LRRC4C: variants seen among roughly 807,000 people sequenced by gnomAD.
The protein encoded by LRRC4C is leucine rich repeat containing 4C.
Under a neutral mutation model 33.6 loss-of-function variants are expected in LRRC4C, and 5 were observed. The observed-to-expected ratio is 0.15, with a 90% CI of 0.08 to 0.31. The LOEUF (loss-of-function observed/expected upper bound fraction) is 0.31, where lower values mean the gene tolerates loss of function less well. LRRC4C is among the 10% of genes least tolerant of loss of function. The probability of loss-of-function intolerance (pLI) is 1.00; values close to 1 mark genes in which losing one functional copy is unlikely to be tolerated. For missense variants in LRRC4C, 560 were observed against 796.7 expected (o/e 0.70, Z 3.58); for synonymous variants, 329 against 302.0 (o/e 1.09, Z -0.93).
chr11:40,339,021 A>G (rs759657731), intron 3 of LRRC4C, among the ~76,000 whole-genome samples: 1 of 152,194 alleles, frequency 6.6e-6, no homozygotes, highest in Non-Finnish European at 1.5e-5. Flanking sequence ...GTTACAAAGG[A>G]CCAGAGGGTG....
Position 41,294,814 on chromosome 11 carries a change from C to T in LRRC4C, c.-496+164617G>A, listed in dbSNP as rs563433247. Among the ~76,000 whole-genome samples the T allele has an allele frequency of 3.3e-5, 5 of 152,242 alleles. No homozygotes were observed. In the South Asian group the frequency reaches 8.3e-4, roughly 25 times the overall value. On this transcript the variant is annotated intron_variant, in intron 1 of 6. Transcript: ENST00000528697. Reference sequence around the variant, plus strand: ...GGATAAGGGTAATTGAGTCATAATGCACACTGTCTATAAAGTTAAAATGTT... The same window carrying T: ...GGATAAGGGTAATTGAGTCATAATGTACACTGTCTATAAAGTTAAAATGTT...
chr11:40,260,418 G>A (rs28721003), intron 4 of LRRC4C, among the ~76,000 whole-genome samples: 3 of 143,520 alleles, frequency 2.1e-5, no homozygotes, highest in South Asian at 2.4e-4. Flanking sequence ...TTAGGGGGAG[G>A]GGGGAGGGAT....
At chr11:40,807,403 C>A (rs1565085545) in intron 2 of LRRC4C, among the ~76,000 whole-genome samples, 1 of 152,190 alleles carries the variant, frequency 6.6e-6, no homozygotes, top group Non-Finnish European at 1.5e-5. Flanking sequence ...AACAAACAAA[C>A]CGTGAGCACA....
intron 1 of LRRC4C, among the ~76,000 whole-genome samples, chr11:41,392,317 T>C (rs1415604370): frequency 6.6e-6 from 1 of 151,848 alleles, no homozygotes; most frequent in African/African-American, 2.4e-5. Flanking sequence ...CACTGTAGAT[T>C]AACTGTTTTT....
intron 1 of LRRC4C, among the ~76,000 whole-genome samples, chr11:41,415,413 T>C (rs561052731): frequency 6.6e-6 from 1 of 152,258 alleles, no homozygotes; most frequent in Admixed American, 6.5e-5. Flanking sequence ...GGTGTAGTGT[T>C]TTGAATTAGA....
intron 1 of LRRC4C, among the ~76,000 whole-genome samples, chr11:41,201,444 C>A (rs972530422): frequency 2.0e-5 from 3 of 152,150 alleles, no homozygotes; most frequent in African/African-American, 7.2e-5. Context: ...GTCCTGGTAG[C>A]TCTAATTTCA....
intron 3 of LRRC4C, among the ~76,000 whole-genome samples, chr11:40,508,125 TAAC>T (rs577605250): frequency 9.1e-4 from 138 of 152,150 alleles, no homozygotes; most frequent in African/African-American, 3.3e-3. Flanking sequence ...CAATGACAAA[TAAC>T]AAAATCATGC....
chr11:40,706,733 T>G (rs2136539161), intron 2 of LRRC4C, among the ~76,000 whole-genome samples: 1 of 152,262 alleles, frequency 6.6e-6, no homozygotes, highest in Non-Finnish European at 1.5e-5. Context: ...GTAGTTTTTC[T>G]AATTCTGTGA....
intron 3 of LRRC4C, among the ~76,000 whole-genome samples, chr11:40,473,424 A>C (rs1953044729): frequency 6.6e-6 from 1 of 152,166 alleles, no homozygotes. Flanking sequence ...AAAACTCTCA[A>C]TAAACTTGGT....
At chr11:40,782,888 T>A (rs751184590) in intron 2 of LRRC4C, among the ~76,000 whole-genome samples, 2 of 151,902 alleles carry the variant, frequency 1.3e-5, no homozygotes, top group Non-Finnish European at 2.9e-5. Context: ...ATACACATGT[T>A]TATACATATA....
chr11:41,400,390 A>C (rs1399996661), intron 1 of LRRC4C, among the ~76,000 whole-genome samples: 2 of 151,840 alleles, frequency 1.3e-5, no homozygotes, highest in African/African-American at 4.8e-5. Flanking sequence ...CCCCGTGATA[A>C]ATCTAAGCGA....
chr11:41,451,397 G>A (rs1202460350), intron 1 of LRRC4C, among the ~76,000 whole-genome samples: 1 of 152,076 alleles, frequency 6.6e-6, no homozygotes, highest in African/African-American at 2.4e-5. Context: ...GTGTGTATGT[G>A]TATTTATGTA....
intron 1 of LRRC4C, among the ~76,000 whole-genome samples, chr11:41,254,939 C>T (rs1032776984): frequency 6.6e-6 from 1 of 151,926 alleles, no homozygotes; most frequent in Non-Finnish European, 1.5e-5. Context: ...AGTGGAAAAC[C>T]AAGGTTGTAT....
chr11:40,289,855 A>G lies in LRRC4C; in HGVS notation c.-176+29773T>C, dbSNP rs188290558. The stretch of plus-strand genomic sequence containing the variant: ...ATGTTTAAGTGGAGGGGATGGGAGG[A>G]CACATTTCAGACCAAAATTTTAAAC... On this transcript the variant is annotated intron_variant, in intron 4 of 6. Transcript: ENST00000528697. 2.9e-4 allele frequency among the ~76,000 whole-genome samples: 44 copies of G among 152,218 alleles called. 1 individual carries two copies. Among genetic ancestry groups the G allele is most frequent in the Admixed American group, 1.9e-3 (29 of 15,284 alleles).
intron 3 of LRRC4C, among the ~76,000 whole-genome samples, chr11:40,437,819 T>C (rs1359827466): frequency 6.6e-6 from 1 of 152,226 alleles, no homozygotes; most frequent in Non-Finnish European, 1.5e-5. Flanking sequence ...ACAATTCTCC[T>C]GCCTCAGCCT....
intron 5 of LRRC4C, among the ~76,000 whole-genome samples, chr11:40,215,556 C>T (rs1863915008): frequency 4.6e-5 from 7 of 152,158 alleles, no homozygotes; most frequent in Admixed American, 4.6e-4. Flanking sequence ...CACTGATTAG[C>T]TGCAATAACT....
chr11:40,875,915 C>T (rs903118087), intron 2 of LRRC4C, among the ~76,000 whole-genome samples: 2 of 152,048 alleles, frequency 1.3e-5, no homozygotes, highest in Admixed American at 6.6e-5. Flanking sequence ...TGCAACTAGA[C>T]GGTCCCATCT....
intron 1 of LRRC4C, among the ~76,000 whole-genome samples, chr11:41,388,188 G>C (rs1446859847): frequency 1.3e-5 from 2 of 151,920 alleles, no homozygotes; most frequent in Non-Finnish European, 2.9e-5. Context: ...CAGGCACTGG[G>C]AGAATAGACA....
intron 2 of LRRC4C, among the ~76,000 whole-genome samples, chr11:40,716,429 T>A (rs1434100170): frequency 6.6e-6 from 1 of 152,162 alleles, no homozygotes; most frequent in Non-Finnish European, 1.5e-5. Context: ...GTAATTCTTA[T>A]TGCAGCTTCC....
Sources: gnomAD v4.1 joint callset for allele counts (sites outside exome capture counted in the v4.1 genomes callset) on GRCh38, gnomAD v4.1.1 for gene constraint, MANE v1.5 for transcripts, NCBI Gene and HGNC (gene_info 2026-07-23, HGNC 2026-07-21) for gene names.